Variants in TWF1 observed in about 807,000 individuals in gnomAD.
TWF1 encodes the protein twinfilin-1.
TWF1 carries 14 observed loss-of-function variants against 47.9 expected under a neutral mutation model. The observed-to-expected ratio is 0.29, with a 90% confidence interval of 0.19 to 0.46. The LOEUF (loss-of-function observed/expected upper bound fraction) is 0.46, where lower values mean the gene tolerates loss of function less well. TWF1 is among the 20% of genes least tolerant of loss of function. The pLI is 1.00. For synonymous variants in TWF1, 96 were observed against 139.2 expected, an observed-to-expected ratio of 0.69 and a Z score of 2.18; for missense variants, 281 against 409.3, an observed-to-expected ratio of 0.69 and a Z score of 2.70.
chr12:43,802,358 T>TA lies in TWF1; in HGVS notation c.209dup (p.Leu70PhefsTer13). The TA allele has an allele frequency of 6.2e-7, 1 of 1,602,156 alleles. No homozygotes were observed. The highest frequency in any genetic ancestry group is 8.5e-7 in the Non-Finnish European group (1 of 1,173,620). ...GGGCATTCTGAGAATCTAACCTGAATAATATATAGCATGGTTGTTTGTCCT... is the reference window on the plus strand; with the variant it reads ...GGGCATTCTGAGAATCTAACCTGAATAAATATATAGCATGGTTGTTTGTCCT... On this transcript the variant is annotated frameshift_variant, in exon 3 of 9. Transcript: ENST00000395510. LOFTEE classifies it high-confidence loss of function.
At position 43,806,022 on chromosome 12, in the gene TWF1, G is replaced by A. The variant is rs537590542; in HGVS notation, c.25+199C>T. The A allele has an allele frequency of 1.1e-4, 175 of 1,522,984 alleles. 1 individual carries two copies. The African/African-American group carries it at 2.1e-3, about 18-fold the overall frequency. The allele number at this position is 1,522,984 out of a possible 1,614,324, so 94.3% of individuals were successfully genotyped here. Reference sequence around the variant, plus strand: ...ATCAATCTGCAACGTGACGGCAGCAGGGACCGGGCTGGAGGAGGACGCAGG... The same window carrying A: ...ATCAATCTGCAACGTGACGGCAGCAAGGACCGGGCTGGAGGAGGACGCAGG... On this transcript the variant is annotated intron_variant, in intron 1 of 8. Transcript: ENST00000395510.
chr12:43,805,811 C>T (rs1942751636), intron 1 of TWF1: 3 of 1,368,718 alleles, frequency 2.2e-6, no homozygotes, highest in Admixed American at 1.9e-5. Flanking sequence ...CTCCTTTGGA[C>T]CATGAAAAAG....
chr12:43,801,355 G>T (rs1459707753), intron 3 of TWF1, among the ~76,000 whole-genome samples: 3 of 152,094 alleles, frequency 2.0e-5, no homozygotes, highest in Non-Finnish European at 4.4e-5. Flanking sequence ...TCATAATCCT[G>T]CATGGTCAAA....
chr12:43,803,999 A>G (rs1053503734), intron 2 of TWF1, among the ~76,000 whole-genome samples: 3 of 152,168 alleles, frequency 2.0e-5, no homozygotes, highest in Non-Finnish European at 4.4e-5. Flanking sequence ...TAAAGAATCA[A>G]TTTGTAGTTT....
chr12:43,801,858 C>G (rs546562845), intron 3 of TWF1, among the ~76,000 whole-genome samples: 3 of 151,998 alleles, frequency 2.0e-5, no homozygotes, highest in Non-Finnish European at 4.4e-5. Context: ...AGTGAAACCC[C>G]GTCTCTACTA....
At chr12:43,799,189 T>C (rs1942612968) in intron 5 of TWF1, among the ~76,000 whole-genome samples, 1 of 152,124 alleles carries the variant, frequency 6.6e-6, no homozygotes, top group African/African-American at 2.4e-5. Flanking sequence ...GGAAAAGCTA[T>C]TTATAAAATG....
intron 2 of TWF1, among the ~76,000 whole-genome samples, chr12:43,803,112 T>C (rs1030185989): frequency 1.3e-5 from 2 of 152,096 alleles, no homozygotes; most frequent in Non-Finnish European, 2.9e-5. Flanking sequence ...AATAAGACAA[T>C]GCAAAAATAA....
At chr12:43,799,559 A>C in intron 4 of TWF1, 57 bp from the exon 5 acceptor site, 1 of 1,001,700 alleles carries the variant, frequency 1.0e-6, no homozygotes, top group Non-Finnish European at 1.4e-6. Context: ...ATGACAGTGA[A>C]GTTACTTTAG....
rs1187960948 is a variant in TWF1, at chr12:43,794,056, T to G, written c.*1529A>C. ...GAAAAACATTCACTTCTAAATTATT[T>G]TATACCTTCATGACAGGTAGTCTTC... On this transcript the variant is annotated 3_prime_UTR_variant, in exon 9 of 9. Coordinates refer to ENST00000395510, the MANE Select transcript of TWF1 (RefSeq NM_002822.5). 2 of 152,664 alleles carry G rather than the reference T, an allele frequency of 1.3e-5. No individual in the cohort carries two copies. The highest frequency in any genetic ancestry group is 2.4e-5 in the African/African-American group (1 of 41,468). 9.5% of individuals were successfully genotyped at this position (152,664 alleles called of 1,614,324 possible). A position where few individuals can be genotyped will look rare whatever the true frequency, so the allele number is the denominator to read the frequency against.
rs1377551223 is a variant in TWF1, at chr12:43,797,645, C to A, written c.609+63G>T. ...AAATGTAAAATCCATTAATAATAAA[C>A]CCTATATGAGTCATAAACTACCAAA... is the stretch of plus-strand genomic sequence containing the variant. On this transcript the variant is annotated intron_variant, in intron 6 of 8. Transcript: ENST00000395510. 3.2e-6 allele frequency: 5 copies of A among 1,546,522 alleles called. No individual in the cohort carries two copies. The East Asian group carries it at 1.1e-4, about 35-fold the overall frequency.
intron 3 of TWF1, 64 bp from the exon 4 acceptor site, chr12:43,800,594 A>G: frequency 5.6e-6 from 7 of 1,244,148 alleles, no homozygotes; most frequent in Non-Finnish European, 8.2e-6. Flanking sequence ...AAGCAAGCAC[A>G]TTCTGAATAT....
rs78356591 is a variant in TWF1, at chr12:43,805,179, A to T, written c.26-607T>A. Reference sequence around the variant, plus strand: ...CCTATTAAAGCTTCAATTTCGTTCTAATTTCGTTCCTGTGTTGTCTATTAG... The same window carrying T: ...CCTATTAAAGCTTCAATTTCGTTCTTATTTCGTTCCTGTGTTGTCTATTAG... On this transcript the variant is annotated intron_variant, in intron 1 of 8. Transcript: ENST00000395510. Among the ~76,000 whole-genome samples, 1,246 of 152,332 alleles carry T rather than the reference A, an allele frequency of 8.2e-3. 8 individuals are homozygous for T. The highest frequency in any genetic ancestry group is 0.014 in the Non-Finnish European group (958 of 68,028).
At chr12:43,799,266 TCTAAA>T (rs1285465375) in intron 5 of TWF1, 127 bp downstream of exon 5, 12 of 536,178 alleles carry the variant, frequency 2.2e-5, no homozygotes, top group South Asian at 1.6e-4. Context: ...TAGCCTTATC[TCTAAA>T]CTAAACGGAA....
intron 5 of TWF1, among the ~76,000 whole-genome samples, chr12:43,798,986 A>C (rs897790731): frequency 1.3e-5 from 2 of 151,828 alleles, no homozygotes; most frequent in African/African-American, 4.8e-5. Flanking sequence ...ATTCAAGTAG[A>C]GTTCATAGAA....
chr12:43,801,979 G>A (rs150213649), intron 3 of TWF1, among the ~76,000 whole-genome samples: 2,856 of 152,266 alleles, frequency 0.019, 54 homozygotes, highest in South Asian at 0.072. Flanking sequence ...GCAGTGAGCC[G>A]AAACTGCACC....
At chr12:43,806,100 C>G (rs1425003982) in intron 1 of TWF1, 121 bp downstream of exon 1, 4 of 1,521,680 alleles carry the variant, frequency 2.6e-6, no homozygotes, top group Admixed American at 2.0e-5. Context: ...CCCGGCTCGC[C>G]CCGCGAGACC....
In TWF1 at chr12:43,794,978, G is replaced by C. The variant is rs1018344342; in HGVS notation, c.*607C>G. ...AAATCCTGCAGTATAGAAAATATCT[G>C]GTACCCTTAAAGTTTCAGAGTGAGC... On this transcript the variant is annotated 3_prime_UTR_variant, in exon 9 of 9. Coordinates refer to ENST00000395510, the MANE Select transcript of TWF1 (RefSeq NM_002822.5). The C allele has an allele frequency of 2.8e-4, 43 of 152,006 alleles. No individual in the cohort carries two copies. Among genetic ancestry groups the C allele is most frequent in the African/African-American group, 9.9e-4 (41 of 41,374 alleles). The allele number at this position is 152,006 out of a possible 1,614,324, so 9.4% of individuals were successfully genotyped here.
At chr12:43,801,958 A>G (rs1372312296) in intron 3 of TWF1, among the ~76,000 whole-genome samples, 12 of 152,318 alleles carry the variant, frequency 7.9e-5, no homozygotes, top group African/African-American at 2.9e-4. Context: ...TGAGCCTGGG[A>G]GGCAGAGGTT....
intron 3 of TWF1, among the ~76,000 whole-genome samples, chr12:43,801,724 T>A (rs1172269837): frequency 2.0e-5 from 3 of 151,898 alleles, no homozygotes; most frequent in Non-Finnish European, 4.4e-5. Context: ...GCCCATGGAG[T>A]CATTTTAAAA....
Sources: gnomAD v4.1 joint callset for allele counts (sites outside exome capture counted in the v4.1 genomes callset) on GRCh38, gnomAD v4.1.1 for gene constraint, MANE v1.5 for transcripts, NCBI Gene and HGNC (gene_info 2026-07-23, HGNC 2026-07-21) for gene names.